The following PPP2R1B variants were observed in gnomAD, a reference collection of about 807,000 sequenced individuals.
PPP2R1B encodes serine/threonine-protein phosphatase 2A 65 kDa regulatory subunit A beta isoform.
PPP2R1B carries 58 observed loss-of-function variants against 72.7 expected under a neutral mutation model. The ratio of observed to expected loss-of-function variants is 0.80; its 90% confidence interval spans 0.65 to 0.99. PPP2R1B has a LOEUF of 0.99. Among genes scored for constraint, PPP2R1B ranks in the 50% least tolerant of loss-of-function variants. The pLI, the probability that PPP2R1B is intolerant of heterozygous loss-of-function variation, is 0.00. For missense variants in PPP2R1B, 695 were observed against 733.6 expected (o/e 0.95, Z 0.61); for synonymous variants, 256 against 264.6 (o/e 0.97, Z 0.32).
At chr11:111,719,698 C>G in the PPP2R1B span, 2 of 1,414,624 alleles carry the variant, frequency 1.4e-6, no homozygotes, top group Non-Finnish European at 2.0e-6. Flanking sequence ...CGCCACAAGT[C>G]TTGACATGTT....
At chr11:111,720,365 T>C in the PPP2R1B span, 8 of 1,129,984 alleles carry the variant, frequency 7.1e-6, no homozygotes, top group Non-Finnish European at 9.9e-6. Context: ...GATGTTTTGA[T>C]TGGAAATTAA....
chr11:111,713,308 A>G, the PPP2R1B span, among the ~76,000 whole-genome samples: 4 of 152,244 alleles, frequency 2.6e-5, no homozygotes, highest in African/African-American at 9.6e-5. Context: ...TAAGCGATGT[A>G]TAGAAGATCA....
chr11:111,762,553 CTTT>C (rs11431567), intron 3 of PPP2R1B, among the ~76,000 whole-genome samples: 2 of 136,172 alleles, frequency 1.5e-5, no homozygotes, highest in Admixed American at 7.4e-5. Context: ...TCCAGCAGTT[CTTT>C]TTTTTTTTTT....
At chr11:111,719,669 TTTTAC>T in the PPP2R1B span, 1 of 1,113,538 alleles carries the variant, frequency 9.0e-7, no homozygotes, top group Non-Finnish European at 1.3e-6. Context: ...TGTTTAAATA[TTTTAC>T]TTAATTTCTA....
chr11:111,700,460 T>C, the PPP2R1B span, among the ~76,000 whole-genome samples: 6 of 152,172 alleles, frequency 3.9e-5, no homozygotes, highest in Non-Finnish European at 7.4e-5. Context: ...AGTCACTCAG[T>C]TGTGTTTAGG....
At chr11:111,706,243 T>C in the PPP2R1B span, among the ~76,000 whole-genome samples, 1 of 152,228 alleles carries the variant, frequency 6.6e-6, no homozygotes, top group East Asian at 1.9e-4. Flanking sequence ...GTACTTGTTA[T>C]ATAAAGTAAT....
chr11:111,719,423 C>T, the PPP2R1B span, among the ~76,000 whole-genome samples: 10 of 145,632 alleles, frequency 6.9e-5, no homozygotes, highest in African/African-American at 2.5e-4. Flanking sequence ...CATCTTCCCC[C>T]TCTTCATTTC....
chr11:111,729,533 G>C (rs1324000373), intron 15 of PPP2R1B: 2 of 152,374 alleles, frequency 1.3e-5, no homozygotes, highest in South Asian at 2.1e-4. Flanking sequence ...GCTGGTGATA[G>C]AAGGAGCTGG....
At position 111,742,035 on chromosome 11, in the gene PPP2R1B, A is replaced by G. The variant is rs1472827893; in HGVS notation, c.1789+18T>C. ...TAACCAAGGCATAAGCTGCAAGGCA[A>G]AAGAAGGAAATACATACCACTTATA... On this transcript the variant is annotated intron_variant, in intron 14 of 14. Coordinates refer to ENST00000527614, the MANE Select transcript of PPP2R1B (RefSeq NM_002716.5). 1.3e-6 allele frequency: 2 copies of G among 1,595,440 alleles called. No individual in the cohort carries two copies. The highest frequency in any genetic ancestry group is 1.7e-6 in the Non-Finnish European group (2 of 1,163,086).
the PPP2R1B span, among the ~76,000 whole-genome samples, chr11:111,715,771 C>T: frequency 6.7e-5 from 10 of 149,794 alleles, no homozygotes; most frequent in East Asian, 2.0e-4. Flanking sequence ...TACATATACA[C>T]GCACACTTGA....
downstream of PPP2R1B, among the ~76,000 whole-genome samples, chr11:111,733,362 G>A (rs1312060862): frequency 2.0e-5 from 3 of 152,130 alleles, no homozygotes; most frequent in Admixed American, 2.0e-4. Flanking sequence ...CACAGCATGG[G>A]AAGCGGACTT....
chr11:111,707,306 T>TA, the PPP2R1B span, among the ~76,000 whole-genome samples: 1 of 152,192 alleles, frequency 6.6e-6, no homozygotes, highest in Non-Finnish European at 1.5e-5. Flanking sequence ...GTGCATGTGT[T>TA]ATTGTACACG....
At chr11:111,696,890 C>T in the PPP2R1B span, among the ~76,000 whole-genome samples, 1 of 152,048 alleles carries the variant, frequency 6.6e-6, no homozygotes, top group Non-Finnish European at 1.5e-5. Context: ...ATTTCATTCC[C>T]CCCCTACTCA....
chr11:111,731,634 G>A (rs1387097292), intron 15 of PPP2R1B, among the ~76,000 whole-genome samples: 2 of 152,206 alleles, frequency 1.3e-5, no homozygotes, highest in Admixed American at 6.5e-5. Context: ...CCCTCCCTGC[G>A]GGGTGAGCCG....
the PPP2R1B span, chr11:111,721,893 T>C: frequency 6.2e-7 from 1 of 1,612,104 alleles, no homozygotes; most frequent in Non-Finnish European, 8.5e-7. Flanking sequence ...TCCCCAGCTG[T>C]CCCCACGGCA....
chr11:111,753,269 T>C (rs1944978954), intron 9 of PPP2R1B, among the ~76,000 whole-genome samples, 174 bp downstream of exon 9: 2 of 152,216 alleles, frequency 1.3e-5, no homozygotes, highest in South Asian at 2.1e-4. Flanking sequence ...TTTTGCCCAC[T>C]TTCTGAGGAA....
chr11:111,739,992 C>T lies in PPP2R1B; in HGVS notation c.*1604G>A. On this transcript the variant is annotated 3_prime_UTR_variant, in exon 15 of 15. Transcript: ENST00000527614. ...ACAAATTTTAAAGTATTTAGTAAAA[C>T]TTGGTTTTATGTAACAAATATACAA... is the stretch of plus-strand genomic sequence containing the variant. 1.0e-6 allele frequency: 1 copy of T among 980,804 alleles called. No individual in the cohort carries two copies. The highest frequency in any genetic ancestry group is 1.2e-6 in the Non-Finnish European group (1 of 825,750). The allele number at this position is 980,804 out of a possible 1,614,324, so 60.8% of individuals were successfully genotyped here.
At chr11:111,723,675 C>T (rs1349056313), downstream of PPP2R1B, 2 of 1,613,748 alleles carry the variant, frequency 1.2e-6, no homozygotes, top group Non-Finnish European at 1.7e-6. Context: ...CCCCTGAGCC[C>T]CGTCCTGGAG....
In PPP2R1B at chr11:111,738,622, T is replaced by C. The variant is rs1944412978; in HGVS notation, c.*2974A>G. The C allele has an allele frequency of 1.0e-6, 1 of 985,348 alleles. No individual in the cohort carries two copies. Among genetic ancestry groups the C allele is most frequent in the Admixed American group, 6.1e-5 (1 of 16,272 alleles). The allele number at this position is 985,348 out of a possible 1,614,324, so 61.0% of individuals were successfully genotyped here. A position where few individuals can be genotyped will look rare whatever the true frequency, so the allele number is the denominator to read the frequency against. ...AGACCCCTGGGGCTCTGCATCACAG[T>C]GGCTGAGCTGTGGTATTTCTGTGAG... On this transcript the variant is annotated 3_prime_UTR_variant, in exon 15 of 15. Transcript: ENST00000527614.
Sources: gnomAD v4.1 joint callset for allele counts (sites outside exome capture counted in the v4.1 genomes callset) on GRCh38, gnomAD v4.1.1 for gene constraint, MANE v1.5 for transcripts, NCBI Gene and HGNC (gene_info 2026-07-23, HGNC 2026-07-21) for gene names.